Variants in PTPRD observed in about 807,000 individuals in gnomAD.
PTPRD encodes the protein protein tyrosine phosphatase receptor type D.
PTPRD carries 34 observed loss-of-function variants against 214.5 expected under a neutral mutation model. That is an observed-to-expected ratio of 0.16 (90% CI 0.12 to 0.21). PTPRD has a LOEUF of 0.21. Ranked by LOEUF, PTPRD falls within the 10% of genes least tolerant of loss-of-function variation. PTPRD has a pLI of 1.00. For missense variants in PTPRD, 2,545 were observed against 2,398.7 expected, an observed-to-expected ratio of 1.06 and a Z score of -1.27; for synonymous variants, 1,128 against 845.7, an observed-to-expected ratio of 1.33 and a Z score of -5.79.
rs116302047 is a variant in PTPRD, at chr9:9,626,450, T to G, written c.-286-51669A>C. 5.8e-3 allele frequency among the ~76,000 whole-genome samples: 884 copies of G among 152,256 alleles called. 4 individuals are homozygous for G. The highest frequency in any genetic ancestry group is 0.02 in the African/African-American group (830 of 41,542). ...ATTCATGTACATGCAAATTCTTACC[T>G]CAGAACTACTGGGGGAAAATCGATC... On this transcript the variant is annotated intron_variant, in intron 7 of 45. Coordinates refer to ENST00000381196, the MANE Select transcript of PTPRD (RefSeq NM_002839.4).
At chr9:9,337,268 T>C (rs1290533085) in intron 9 of PTPRD, among the ~76,000 whole-genome samples, 3 of 152,096 alleles carry the variant, frequency 2.0e-5, no homozygotes, top group African/African-American at 7.2e-5. Context: ...TATCCAAAAT[T>C]GTAGTCAGCA....
intron 11 of PTPRD, among the ~76,000 whole-genome samples, chr9:8,929,988 T>G (rs570560367): frequency 2.9e-4 from 44 of 151,260 alleles, no homozygotes; most frequent in Non-Finnish European, 5.0e-4. Flanking sequence ...TACTTTAAGT[T>G]CTAGGATACA....
chr9:8,579,548 T>C (rs186946289), intron 14 of PTPRD, among the ~76,000 whole-genome samples: 11 of 152,182 alleles, frequency 7.2e-5, no homozygotes, highest in East Asian at 1.9e-4. Flanking sequence ...AATAAAAGTA[T>C]AAAAAACCCA....
At chr9:9,972,763 T>C (rs2095180977) in intron 4 of PTPRD, among the ~76,000 whole-genome samples, 1 of 152,164 alleles carries the variant, frequency 6.6e-6, no homozygotes, top group South Asian at 2.1e-4. Context: ...ATGCCTTGTC[T>C]TGTGGCTTAC....
At chr9:9,327,221 T>G (rs149504445) in intron 9 of PTPRD, among the ~76,000 whole-genome samples, 2 of 152,160 alleles carry the variant, frequency 1.3e-5, no homozygotes, top group Non-Finnish European at 2.9e-5. Flanking sequence ...AAATCCCATA[T>G]GTAAACAACA....
At chr9:8,597,631 C>T (rs1285445694) in intron 14 of PTPRD, among the ~76,000 whole-genome samples, 1 of 152,130 alleles carries the variant, frequency 6.6e-6, no homozygotes, top group African/African-American at 2.4e-5. Context: ...TTTCTGAACA[C>T]TTTTTGTTGG....
At chr9:10,195,473 T>C (rs1375407303) in intron 3 of PTPRD, among the ~76,000 whole-genome samples, 1 of 152,098 alleles carries the variant, frequency 6.6e-6, no homozygotes, top group Non-Finnish European at 1.5e-5. Context: ...ATGTGAGAAA[T>C]ATCATGTACC....
intron 2 of PTPRD, among the ~76,000 whole-genome samples, chr9:10,549,136 G>C (rs1272972629): frequency 6.6e-6 from 1 of 152,214 alleles, no homozygotes; most frequent in East Asian, 1.9e-4. Flanking sequence ...TAATACTCAG[G>C]ATTATAGAAT....
intron 7 of PTPRD, among the ~76,000 whole-genome samples, chr9:9,719,936 T>C (rs1009659865): frequency 1.3e-5 from 2 of 152,162 alleles, no homozygotes; most frequent in African/African-American, 4.8e-5. Flanking sequence ...GTAGCCAACA[T>C]GACTAACTGT....
chr9:10,496,613 A>G (rs541674624), intron 2 of PTPRD, among the ~76,000 whole-genome samples: 27 of 82,788 alleles, frequency 3.3e-4, no homozygotes, highest in African/African-American at 7.3e-4. Flanking sequence ...CCTCACCAAC[A>G]TCTGTTCTTT....
intron 10 of PTPRD, among the ~76,000 whole-genome samples, chr9:9,159,543 G>A (rs1000554372): frequency 1.3e-5 from 2 of 152,012 alleles, no homozygotes; most frequent in African/African-American, 4.8e-5. Context: ...AAACACTGAA[G>A]AAAGAAAGAA....
chr9:9,340,029 G>C (rs1003002728), intron 9 of PTPRD, among the ~76,000 whole-genome samples: 6 of 152,124 alleles, frequency 3.9e-5, no homozygotes, highest in African/African-American at 1.4e-4. Flanking sequence ...GTGACTGTGA[G>C]AAGACATTAG....
In PTPRD at chr9:8,584,767, G is replaced by C. The variant is rs187800280; in HGVS notation, c.352+48550C>G. Among the ~76,000 whole-genome samples, 5 of 152,298 alleles carry C rather than the reference G, an allele frequency of 3.3e-5. No homozygotes were observed. In the East Asian group the frequency reaches 9.6e-4, roughly 29 times the overall value. Reference sequence around the variant, plus strand: ...TGCAAATGGAGACATACCTGAGAATGGGTAATTTATAAAGGAAAGAGGTTT... The same window carrying C: ...TGCAAATGGAGACATACCTGAGAATCGGTAATTTATAAAGGAAAGAGGTTT... On this transcript the variant is annotated intron_variant, in intron 14 of 45. Coordinates refer to ENST00000381196, the MANE Select transcript of PTPRD (RefSeq NM_002839.4).
At chr9:8,802,036 A>G (rs189934120) in intron 11 of PTPRD, among the ~76,000 whole-genome samples, 2 of 152,162 alleles carry the variant, frequency 1.3e-5, no homozygotes, top group African/African-American at 4.8e-5. Context: ...ATTATCGCCA[A>G]TCTGAAACTT....
intron 32 of PTPRD, among the ~76,000 whole-genome samples, chr9:8,461,979 T>C (rs940843592): frequency 3.3e-5 from 5 of 151,880 alleles, no homozygotes; most frequent in Admixed American, 6.6e-5. Flanking sequence ...TTCTATTCTC[T>C]ACTAGCATCT....
intron 9 of PTPRD, among the ~76,000 whole-genome samples, chr9:9,244,007 G>A (rs1242014081): frequency 6.6e-6 from 1 of 152,120 alleles, no homozygotes; most frequent in African/African-American, 2.4e-5. Context: ...CAGACAGAGA[G>A]CCAAATCATG....
intron 9 of PTPRD, among the ~76,000 whole-genome samples, chr9:9,356,426 T>C (rs1391039010): frequency 6.6e-6 from 1 of 151,400 alleles, no homozygotes; most frequent in African/African-American, 2.4e-5. Context: ...CACAGTCTAT[T>C]GTATAATAAA....
At chr9:10,347,406 T>A (rs886444143) in intron 2 of PTPRD, among the ~76,000 whole-genome samples, 1 of 149,286 alleles carries the variant, frequency 6.7e-6, no homozygotes, top group Non-Finnish European at 1.5e-5. Flanking sequence ...CTTAGCTATT[T>A]GTCTTTTTTT....
chr9:9,994,139 T>C (rs2096046190), intron 4 of PTPRD, among the ~76,000 whole-genome samples: 1 of 152,276 alleles, frequency 6.6e-6, no homozygotes, highest in East Asian at 1.9e-4. Flanking sequence ...AACCAGGAAG[T>C]CTGGCTCTAA....
Sources: gnomAD v4.1 joint callset for allele counts (sites outside exome capture counted in the v4.1 genomes callset) on GRCh38, gnomAD v4.1.1 for gene constraint, MANE v1.5 for transcripts, NCBI Gene and HGNC (gene_info 2026-07-23, HGNC 2026-07-21) for gene names.